Variants in APC observed in about 807,000 individuals in gnomAD.
APC encodes the protein adenomatous polyposis coli protein.
In APC, 72 loss-of-function variants were observed where a neutral mutation model predicts 247.0. The observed-to-expected ratio is 0.29, with a 90% CI of 0.24 to 0.35. The LOEUF (loss-of-function observed/expected upper bound fraction) is 0.35. Ranked by LOEUF, APC falls within the 10% of genes least tolerant of loss-of-function variation. The pLI is 1.00. For missense variants in APC, 3,400 were observed against 3,360.7 expected, an observed-to-expected ratio of 1.01 and a Z score of -0.29; for synonymous variants, 1,254 against 1,162.5, an observed-to-expected ratio of 1.08 and a Z score of -1.60.
At chr5:112,814,559 A>G (rs1363923012) in intron 8 of APC, among the ~76,000 whole-genome samples, 1 of 152,184 alleles carries the variant, frequency 6.6e-6, no homozygotes, top group African/African-American at 2.4e-5. Flanking sequence ...ATATCCTTCA[A>G]GAGCATCCCC....
At chr5:112,761,367 AGT>A (rs1172453581) in intron 2 of APC, among the ~76,000 whole-genome samples, 2 of 152,332 alleles carry the variant, frequency 1.3e-5, no homozygotes, top group African/African-American at 4.8e-5. Flanking sequence ...TTTTAACATA[AGT>A]ATTATAAATG....
intron 1 of APC, among the ~76,000 whole-genome samples, chr5:112,724,324 T>C (rs1751649363): frequency 6.6e-6 from 1 of 152,114 alleles, no homozygotes; most frequent in African/African-American, 2.4e-5. Context: ...GAGTTGGTAC[T>C]TTGGGAGCAT....
chr5:112,731,104 T>A (rs1038987701), intron 1 of APC, among the ~76,000 whole-genome samples: 21 of 152,176 alleles, frequency 1.4e-4, no homozygotes, highest in African/African-American at 5.1e-4. Flanking sequence ...ATTTTAATCA[T>A]CTTATAAATG....
chr5:112,783,888 A>G, intron 6 of APC: 1 of 284,424 alleles, frequency 3.5e-6, no homozygotes, highest in South Asian at 3.2e-5. Flanking sequence ...TCAAGTGTCT[A>G]ATAAACAATT....
intron 8 of APC, among the ~76,000 whole-genome samples, chr5:112,804,563 A>T (rs189980979): frequency 6.6e-6 from 1 of 152,164 alleles, no homozygotes; most frequent in Non-Finnish European, 1.5e-5. Context: ...TATTTTTAGT[A>T]GATACAGGGT....
chr5:112,808,914 C>T (rs1761700231), intron 8 of APC, among the ~76,000 whole-genome samples: 2 of 152,096 alleles, frequency 1.3e-5, no homozygotes, highest in East Asian at 3.8e-4. Flanking sequence ...GAATTACTCG[C>T]AGGTTTCTGT....
At position 112,839,830 on chromosome 5, in the gene APC, A is replaced by C. The variant is rs2149909671; in HGVS notation, c.4236A>C (p.Gly1412=). ...CCGTTCAGAGTGAACCATGCAGTGG[A>C]ATGGTAAGTGGCATTATAAGCCCCA... ...ASSVQSEPCS[G]MVSGIISPSD... The change falls in exon 16 of 16, where the codon GGA becomes GGC. Residue 1412 remains glycine (G), a synonymous_variant. Coordinates refer to ENST00000257430, the MANE Select transcript of APC (RefSeq NM_000038.6). The surrounding 1 kb of genome is among the most constrained non-coding windows in gnomAD (Gnocchi z 5.0). 1 of 1,614,020 alleles carries C rather than the reference A, an allele frequency of 6.2e-7. No homozygotes were observed. Among genetic ancestry groups the C allele is most frequent in the Non-Finnish European group, 8.5e-7 (1 of 1,180,008 alleles).
At chr5:112,754,833 T>G (rs557693627) in intron 1 of APC, 40 bp from the exon 2 acceptor site, 2 of 1,604,340 alleles carry the variant, frequency 1.2e-6, no homozygotes, top group South Asian at 2.2e-5. Flanking sequence ...GCCACTAAAT[T>G]TTTTAGTAGT....
At chr5:112,730,195 A>G (rs1247531940) in intron 1 of APC, among the ~76,000 whole-genome samples, 1 of 152,228 alleles carries the variant, frequency 6.6e-6, no homozygotes, top group Non-Finnish European at 1.5e-5. Context: ...ATTTTTACCT[A>G]TTCTGATTAT....
intron 4 of APC, among the ~76,000 whole-genome samples, chr5:112,770,879 T>G (rs1038184801): frequency 2.0e-4 from 31 of 152,156 alleles, no homozygotes; most frequent in African/African-American, 7.0e-4. Context: ...TACATATATA[T>G]AAGTTCTATT....
rs753302494 is a variant in APC, at chr5:112,767,272, T to C, written c.304T>C (p.Ser102Pro). 5 of 1,614,036 alleles carry C rather than the reference T, an allele frequency of 3.1e-6. No individual in the cohort carries two copies. The South Asian group carries it at 5.5e-5, about 18-fold the overall frequency. The change falls in exon 4 of 16, where the codon TCT becomes CCT. Residue 102 changes from serine (S) to proline (P), a missense_variant. Transcript: ENST00000257430. Reference protein sequence around the residue: ...SLRSYGSREGSVSSRSGECSP... With the variant: ...SLRSYGSREGPVSSRSGECSP... ...CCGTTCTTATGGAAGCCGGGAAGGA[T>C]CTGTATCAAGCCGTTCTGGAGAGTG...
In APC at chr5:112,767,410, T is replaced by A. The variant is rs2149790250; in HGVS notation, c.422+20T>A. 6.4e-7 allele frequency: 1 copy of A among 1,572,106 alleles called. No homozygotes were observed. Among genetic ancestry groups the A allele is most frequent in the Non-Finnish European group, 8.8e-7 (1 of 1,141,782 alleles). On this transcript the variant is annotated intron_variant, in intron 4 of 15. Transcript: ENST00000257430. ...AGAGAGGTAACTTTTCTTCATATAGTAAACATTGCCTTGTGTACTCCAGTT... is the reference window on the plus strand; with the variant it reads ...AGAGAGGTAACTTTTCTTCATATAGAAAACATTGCCTTGTGTACTCCAGTT...
At chr5:112,783,682 T>G in intron 6 of APC, 1 of 221,372 alleles carries the variant, frequency 4.5e-6, no homozygotes, top group Non-Finnish European at 8.6e-6. Context: ...GTAGACCTAG[T>G]TACTTGGGAG....
chr5:112,724,286 G>A (rs550281059), intron 1 of APC, among the ~76,000 whole-genome samples: 417 of 152,204 alleles, frequency 2.7e-3, no homozygotes, highest in Admixed American at 4.3e-3. Context: ...GAAGCTCATA[G>A]TCTAATGGAG....
chr5:112,741,872 A>G (rs1268433138), intron 1 of APC, among the ~76,000 whole-genome samples: 1 of 152,124 alleles, frequency 6.6e-6, no homozygotes, highest in East Asian at 1.9e-4. Context: ...AAAACCATTT[A>G]ATATTTATTC....
At chr5:112,834,816 G>C in intron 14 of APC, 135 bp from the exon 15 acceptor site, 2 of 766,634 alleles carry the variant, frequency 2.6e-6, no homozygotes, top group Admixed American at 2.1e-5. Flanking sequence ...TAAATGGAAA[G>C]TTCTTAATTT....
chr5:112,718,217 T>C (rs1751290719), intron 1 of APC, among the ~76,000 whole-genome samples: 2 of 152,124 alleles, frequency 1.3e-5, no homozygotes, highest in African/African-American at 4.8e-5. Context: ...ATTCCAATGT[T>C]GGGAAGTCTC....
chr5:112,750,805 TA>T (rs1754274016), intron 1 of APC, among the ~76,000 whole-genome samples: 1 of 152,102 alleles, frequency 6.6e-6, no homozygotes, highest in South Asian at 2.1e-4. Flanking sequence ...TATCTTTACT[TA>T]AAAAAATAAA....
chr5:112,800,103 A>G (rs1035444616), intron 7 of APC, among the ~76,000 whole-genome samples: 1 of 152,242 alleles, frequency 6.6e-6, no homozygotes, highest in African/African-American at 2.4e-5. Flanking sequence ...AAGGTCCAAG[A>G]GAGCATAGAA....
Sources: gnomAD v4.1 joint callset for allele counts (sites outside exome capture counted in the v4.1 genomes callset) on GRCh38, gnomAD v4.1.1 for gene constraint, Gnocchi (gnomAD v3.1) non-coding constraint, MANE v1.5 for transcripts, NCBI Gene and HGNC (gene_info 2026-07-23, HGNC 2026-07-21) for gene names.